Variants in PCDHGB4 observed in about 807,000 individuals in gnomAD.
PCDHGB4 encodes the protein protocadherin gamma-B4.
PCDHGB4 carries 38 observed loss-of-function variants against 60.5 expected under a neutral mutation model. The observed-to-expected ratio is 0.63, with a 90% CI of 0.48 to 0.82. The LOEUF (loss-of-function observed/expected upper bound fraction) is 0.82, where lower values mean the gene tolerates loss of function less well. Among genes scored for constraint, PCDHGB4 ranks in the 40% least tolerant of loss-of-function variants. The pLI, the probability that PCDHGB4 is intolerant of heterozygous loss-of-function variation, is 0.00. For missense variants in PCDHGB4, 1,109 were observed against 1,209.6 expected, an observed-to-expected ratio of 0.92 and a Z score of 1.23; for synonymous variants, 456 against 509.7, an observed-to-expected ratio of 0.89 and a Z score of 1.42.
chr5:141,405,195 C>T, intron 1 of PCDHGB4: 1 of 1,613,786 alleles, frequency 6.2e-7, no homozygotes. Context: ...GGGGTTCGAG[C>T]TTTCCTACAG....
At chr5:141,472,507 T>G (rs919448316) in intron 1 of PCDHGB4, among the ~76,000 whole-genome samples, 2 of 151,872 alleles carry the variant, frequency 1.3e-5, no homozygotes, top group African/African-American at 4.8e-5. Context: ...GCCACTGCAC[T>G]CCAGCCTGGG....
In PCDHGB4 at chr5:141,489,406, A is replaced by T; in HGVS notation, c.2398-5401A>T. 6.2e-7 allele frequency: 1 copy of T among 1,614,166 alleles called. No individual in the cohort carries two copies. Among genetic ancestry groups the T allele is most frequent in the Non-Finnish European group, 8.5e-7 (1 of 1,180,028 alleles). Reference sequence around the variant, plus strand: ...TGTTGCTCAGGATCTGGGCTTAAAGATGACAGATCTGTTGAGCCGGCGGCT... The same window carrying T: ...TGTTGCTCAGGATCTGGGCTTAAAGTTGACAGATCTGTTGAGCCGGCGGCT... On this transcript the variant is annotated intron_variant, in intron 1 of 3. Coordinates refer to ENST00000519479, the MANE Select transcript of PCDHGB4 (RefSeq NM_003736.4). This position sits in a 1 kb window ranked among gnomAD's most constrained non-coding sequence, Gnocchi z 4.5.
rs146358809 is a variant in PCDHGB4, at chr5:141,480,913, C to T, written c.2398-13894C>T. 4.1e-3 allele frequency among the ~76,000 whole-genome samples: 617 copies of T among 152,096 alleles called. 6 individuals are homozygous for T. Among genetic ancestry groups the T allele is most frequent in the Admixed American group, 0.011 (171 of 15,272 alleles). ...TGCAAACATTAGCTGGGCATGGTGG[C>T]GCATACCTGTAGTCCCAGCTACTCT... On this transcript the variant is annotated intron_variant, in intron 1 of 3. Transcript: ENST00000519479.
chr5:141,425,836 C>T (rs568578402), intron 1 of PCDHGB4, among the ~76,000 whole-genome samples: 1 of 152,344 alleles, frequency 6.6e-6, no homozygotes, highest in East Asian at 1.9e-4. Context: ...TTTAAATTCT[C>T]TTTGCTGGGT....
At chr5:141,406,649 G>A (rs1447190497) in intron 1 of PCDHGB4, among the ~76,000 whole-genome samples, 2 of 152,098 alleles carry the variant, frequency 1.3e-5, no homozygotes, top group African/African-American at 2.4e-5. Flanking sequence ...ATTTCCTAAT[G>A]CTTTAATGTT....
At chr5:141,504,340 G>C (rs1240423982) in intron 2 of PCDHGB4, among the ~76,000 whole-genome samples, 1 of 152,062 alleles carries the variant, frequency 6.6e-6, no homozygotes, top group Non-Finnish European at 1.5e-5. Flanking sequence ...CAAGTGCTAG[G>C]CTTTGTGCTA....
At chr5:141,510,887 G>C (rs2099883217) in intron 3 of PCDHGB4, 60 bp from the exon 4 acceptor site, 2 of 1,612,600 alleles carry the variant, frequency 1.2e-6, no homozygotes, top group East Asian at 4.5e-5. Context: ...GGGGATATAA[G>C]ACAGTGACTG....
In PCDHGB4 at chr5:141,388,310, A is replaced by G; in HGVS notation, c.426A>G (p.Ile142Met). 6.2e-7 allele frequency: 1 copy of G among 1,613,880 alleles called. No individual in the cohort carries two copies. The highest frequency in any genetic ancestry group is 8.5e-7 in the Non-Finnish European group (1 of 1,179,856). ...CGCAAAATTCCTTTGAGCTGCAAATAAGTGAGTCTGCACAGCCTGGCACAC... is the reference window on the plus strand; with the variant it reads ...CGCAAAATTCCTTTGAGCTGCAAATGAGTGAGTCTGCACAGCCTGGCACAC... ...KFTQNSFELQ[I>M]SESAQPGTRF... Residue 142 changes from isoleucine to methionine, a missense_variant, in exon 1 of 4, where the codon ATA becomes ATG. By Grantham distance (10) the Ile-to-Met change is conservative. Around this residue, in one of 2 missense-constraint regions of PCDHGB4, gnomAD observed 1,068 missense variants for 1,089.9 expected, o/e 0.98. Coordinates refer to ENST00000519479, the MANE Select transcript of PCDHGB4 (RefSeq NM_003736.4).
chr5:141,421,709 C>T, intron 1 of PCDHGB4: 1 of 1,613,926 alleles, frequency 6.2e-7, no homozygotes, highest in Non-Finnish European at 8.5e-7. Flanking sequence ...GCTAGGGATC[C>T]AGATGTGGGC....
At chr5:141,412,792 C>T (rs1387029327) in intron 1 of PCDHGB4, among the ~76,000 whole-genome samples, 1 of 152,194 alleles carries the variant, frequency 6.6e-6, no homozygotes. Flanking sequence ...TCCACTTTAT[C>T]ACACCTCCCC....
intron 1 of PCDHGB4, among the ~76,000 whole-genome samples, chr5:141,452,350 A>G (rs1355934993): frequency 6.6e-6 from 1 of 152,212 alleles, no homozygotes; most frequent in Admixed American, 6.5e-5. Context: ...CCATTTATCC[A>G]AAAGCCTTGC....
intron 1 of PCDHGB4, chr5:141,393,092 G>A (rs2092676024): frequency 6.2e-7 from 1 of 1,613,644 alleles, no homozygotes; most frequent in Non-Finnish European, 8.5e-7. Flanking sequence ...TAGATCGGGA[G>A]GAGCTCTGCG....
At chr5:141,436,335 A>T (rs2097814208) in intron 1 of PCDHGB4, among the ~76,000 whole-genome samples, 1 of 152,172 alleles carries the variant, frequency 6.6e-6, no homozygotes, top group African/African-American at 2.4e-5. Flanking sequence ...ACCATATCTC[A>T]AATATCAGTG....
chr5:141,405,346 G>C (rs184640789), intron 1 of PCDHGB4: 4 of 1,614,108 alleles, frequency 2.5e-6, no homozygotes, highest in Non-Finnish European at 3.4e-6. Context: ...TTGATTCCAA[G>C]TTTCCTATAG....
intron 1 of PCDHGB4, chr5:141,430,745 T>C (rs377018529): frequency 1.3e-4 from 191 of 1,499,634 alleles, no homozygotes; most frequent in Non-Finnish European, 1.7e-4. Context: ...AAAATAATTC[T>C]GGAGGAAGAT....
intron 1 of PCDHGB4, chr5:141,427,435 T>C (rs536693959): frequency 2.1e-6 from 1 of 474,160 alleles, no homozygotes; most frequent in African/African-American, 2.0e-5. Flanking sequence ...ACATGCCTCA[T>C]AAACGAAAGA....
At chr5:141,398,149 C>T (rs761559295) in intron 1 of PCDHGB4, 29 of 1,497,086 alleles carry the variant, frequency 1.9e-5, no homozygotes, top group Non-Finnish European at 2.6e-5. Context: ...CGCCGGGGAG[C>T]TGGGCCGGGC....
At chr5:141,410,693 A>C in intron 1 of PCDHGB4, 1 of 1,496,902 alleles carries the variant, frequency 6.7e-7, no homozygotes, top group Non-Finnish European at 8.9e-7. Flanking sequence ...ATACTACTTT[A>C]TTTTCATATC....
Position 141,431,479 on chromosome 5 carries a change from A to T in PCDHGB4, c.2397+41198A>T. 1 of 1,613,892 alleles carries T rather than the reference A, an allele frequency of 6.2e-7. No individual in the cohort carries two copies. Among genetic ancestry groups the T allele is most frequent in the South Asian group, 1.1e-5 (1 of 91,092 alleles). On this transcript the variant is annotated intron_variant, in intron 1 of 3. Transcript: ENST00000519479. This position sits in a 1 kb window ranked among gnomAD's most constrained non-coding sequence, Gnocchi z 4.8. ...TTCTGGATGCGAACGACAACGCACC[A>T]GCGTTTGCTCAGCCCGAGTACCGCG...
Sources: allele counts gnomAD v4.1 joint callset (sites outside exome capture counted in the v4.1 genomes callset), GRCh38; gene constraint gnomAD v4.1.1; regional missense constraint gnomAD v4.1.1; non-coding constraint Gnocchi (gnomAD v3.1); transcripts MANE v1.5; gene names NCBI Gene and HGNC (gene_info 2026-07-23, HGNC 2026-07-21).